TDRKH: variants seen among roughly 807,000 people sequenced by gnomAD.
The protein encoded by TDRKH is tudor and KH domain containing, also known as tudor and KH domain-containing protein.
A neutral mutation model predicts 61.3 loss-of-function variants in TDRKH; 28 were observed. The ratio of observed to expected loss-of-function variants is 0.46; its 90% confidence interval spans 0.34 to 0.63. The LOEUF is 0.63. Among genes scored for constraint, TDRKH ranks in the 20% least tolerant of loss-of-function variants. The probability of loss-of-function intolerance (pLI) is 0.01; values close to 1 mark genes in which losing one functional copy is unlikely to be tolerated. For missense variants in TDRKH, 540 were observed against 683.4 expected (o/e 0.79, Z 2.34); for synonymous variants, 219 against 244.4 (o/e 0.90, Z 0.97).
chr1:151,779,218 G>A lies in TDRKH; in HGVS notation c.446C>T (p.Ser149Phe), dbSNP rs1045889804. ...IIGRGGETIR[S>F]ICKASGAKIT... is the part of the protein sequence containing the mutation. ...TTTGGCTCCAGATGCCTTACAGATAGAACGAATTGTCTCGCCGCCTCTCCC... is the reference window on the plus strand; with the variant it reads ...TTTGGCTCCAGATGCCTTACAGATAAAACGAATTGTCTCGCCGCCTCTCCC... Residue 149 changes from serine to phenylalanine, a missense_variant, in exon 5 of 13, where the codon TCT becomes TTT. Ser to Phe is a radical substitution (Grantham distance 155). Coordinates refer to ENST00000368824, the MANE Select transcript of TDRKH (RefSeq NM_001083965.2). The A allele has an allele frequency of 3.1e-6, 5 of 1,614,022 alleles. No homozygotes were observed. The highest frequency in any genetic ancestry group is 4.2e-6 in the Non-Finnish European group (5 of 1,180,042).
At chr1:151,769,836 G>T (rs1648575712), downstream of TDRKH, among the ~76,000 whole-genome samples, 1 of 152,228 alleles carries the variant, frequency 6.6e-6, no homozygotes, top group Admixed American at 6.5e-5. Flanking sequence ...ACCTCAGGAG[G>T]CCGAGGCTGG....
chr1:151,772,097 TTTC>T (rs982904779), downstream of TDRKH: 9 of 395,082 alleles, frequency 2.3e-5, no homozygotes, highest in Admixed American at 4.4e-5. Flanking sequence ...GACTGAGATT[TTTC>T]TTTTCTTTTT....
At chr1:151,781,713 C>A in intron 2 of TDRKH, 126 bp from the exon 3 acceptor site, 1 of 771,056 alleles carries the variant, frequency 1.3e-6, no homozygotes, top group Non-Finnish European at 2.1e-6. Context: ...GGATCTCAAC[C>A]ATAACAACAA....
rs768856964 is a variant in TDRKH, at chr1:151,774,742, A to C, written c.1601T>G (p.Ile534Arg). ...LTETKKSSGE[I>R]THTLSCLSLS... ...GCTGAGGCAGGACAGGGTATGTGTT[A>C]TCTCTCCAGAGCTCTTTTTGGTCTC... The change falls in exon 12 of 13, where the codon ATA becomes AGA. Residue 534 changes from isoleucine (I) to arginine (R), a missense_variant. By Grantham distance (97) the Ile-to-Arg change is moderately conservative (BLOSUM62 -3). Coordinates refer to ENST00000368824, the MANE Select transcript of TDRKH (RefSeq NM_001083965.2). 8.2e-5 allele frequency: 133 copies of C among 1,614,202 alleles called. No individual in the cohort carries two copies. Among genetic ancestry groups the C allele is most frequent in the Admixed American group, 4.3e-4 (26 of 60,024 alleles).
downstream of TDRKH, chr1:151,771,683 T>C (rs1215257511): frequency 1.1e-5 from 4 of 376,962 alleles, no homozygotes; most frequent in Non-Finnish European, 1.9e-5. Flanking sequence ...ACGGACAGAA[T>C]AGGTAACATA....
At chr1:151,785,157 C>T (rs1650199289) in intron 1 of TDRKH, among the ~76,000 whole-genome samples, 1 of 152,096 alleles carries the variant, frequency 6.6e-6, no homozygotes, top group South Asian at 2.1e-4. Context: ...GTCTCAAACT[C>T]CTGGGCTCAA....
downstream of TDRKH, chr1:151,767,360 G>C: frequency 6.4e-7 from 1 of 1,573,294 alleles, no homozygotes; most frequent in Non-Finnish European, 8.6e-7. Context: ...ACCTTGCAGA[G>C]GAGGGACATT....
downstream of TDRKH, among the ~76,000 whole-genome samples, chr1:151,767,698 C>A (rs1413195654): frequency 6.6e-6 from 1 of 152,036 alleles, no homozygotes; most frequent in Non-Finnish European, 1.5e-5. Context: ...TTAGAGAAAA[C>A]CCATATAATG....
chr1:151,778,290 T>C (rs1281159724), intron 6 of TDRKH, among the ~76,000 whole-genome samples: 1 of 152,206 alleles, frequency 6.6e-6, no homozygotes, highest in Non-Finnish European at 1.5e-5. Context: ...ATAAAGGTCA[T>C]GTATCTATCT....
chr1:151,789,051 T>A (rs1408355027), intron 1 of TDRKH, among the ~76,000 whole-genome samples: 1 of 152,068 alleles, frequency 6.6e-6, no homozygotes, highest in Non-Finnish European at 1.5e-5. Flanking sequence ...ATTGGAGAGT[T>A]TGTTGTTGTT....
At chr1:151,769,151 A>G (rs1648491440), downstream of TDRKH, among the ~76,000 whole-genome samples, 3 of 152,074 alleles carry the variant, frequency 2.0e-5, no homozygotes, top group Admixed American at 2.0e-4. Context: ...CATCGTCATC[A>G]TGGCCCATTC....
downstream of TDRKH, chr1:151,767,301 T>G: frequency 6.2e-7 from 1 of 1,613,386 alleles, no homozygotes; most frequent in Non-Finnish European, 8.5e-7. Context: ...CTGTATTCGG[T>G]AAGTGGACTG....
chr1:151,776,130 C>T lies in TDRKH; in HGVS notation c.1183G>A (p.Gly395Arg). 5.0e-6 allele frequency: 8 copies of T among 1,614,110 alleles called. No individual in the cohort carries two copies. Among genetic ancestry groups the T allele is most frequent in the Non-Finnish European group, 6.8e-6 (8 of 1,180,012 alleles). Residue 395 changes from glycine to arginine, a missense_variant, in exon 8 of 13, where the codon GGA becomes AGA. By Grantham distance (125) the Gly-to-Arg change is moderately radical (BLOSUM62 -2). Around this residue, in one of 3 missense-constraint regions of TDRKH, gnomAD observed 379 missense variants for 443.8 expected, o/e 0.85. Transcript: ENST00000368824. ...CTGAGGTCCTTCAGTGGGCAATCTC[C>T]ATTATCTCCAAAGTCAACAAAATAG... is the stretch of plus-strand genomic sequence containing the variant. ...DLYFVDFGDN[G>R]DCPLKDLRAL... is the part of the protein sequence containing the mutation.
intron 1 of TDRKH, among the ~76,000 whole-genome samples, chr1:151,787,509 G>A (rs893093068): frequency 2.4e-4 from 37 of 152,206 alleles, no homozygotes; most frequent in South Asian, 1.2e-3. Flanking sequence ...GAGCCACTGC[G>A]CCTGGCTTAG....
At chr1:151,778,012 C>T (rs185809845) in intron 6 of TDRKH, among the ~76,000 whole-genome samples, 17 of 152,102 alleles carry the variant, frequency 1.1e-4, no homozygotes, top group Middle Eastern at 3.4e-3. Context: ...CAGAAACTAA[C>T]CTAAAAGGTT....
chr1:151,768,617 T>C (rs1341121763), downstream of TDRKH, among the ~76,000 whole-genome samples: 1 of 152,176 alleles, frequency 6.6e-6, no homozygotes, highest in African/African-American at 2.4e-5. Context: ...CGACCAATAA[T>C]ATTTTTACTG....
intron 4 of TDRKH, 200 bp downstream of exon 4, chr1:151,779,751 G>A: frequency 1.9e-6 from 1 of 539,144 alleles, no homozygotes; most frequent in South Asian, 3.2e-5. Flanking sequence ...AATTTGTAAG[G>A]TTCAGATCAT....
At chr1:151,767,044 A>G, downstream of TDRKH, 1 of 1,466,630 alleles carries the variant, frequency 6.8e-7, no homozygotes, top group Non-Finnish European at 9.3e-7. Context: ...GGTTGGGCCC[A>G]GGAACATAGA....
downstream of TDRKH, among the ~76,000 whole-genome samples, chr1:151,772,928 A>G (rs1648810629): frequency 6.6e-6 from 1 of 152,118 alleles, no homozygotes; most frequent in South Asian, 2.1e-4. Flanking sequence ...TGGTGGTGCA[A>G]TCTGGGTTCA....
Sources: gnomAD v4.1 joint callset for allele counts (sites outside exome capture counted in the v4.1 genomes callset) on GRCh38, gnomAD v4.1.1 for gene constraint, gnomAD v4.1.1 regional missense constraint, MANE v1.5 for transcripts, NCBI Gene and HGNC (gene_info 2026-07-23, HGNC 2026-07-21) for gene names.